The following SCAPER variants were observed in gnomAD, a reference collection of about 807,000 sequenced individuals.
The protein encoded by SCAPER is S-phase cyclin A associated protein in the ER.
A neutral mutation model predicts 182.2 loss-of-function variants in SCAPER; 98 were observed. The ratio of observed to expected loss-of-function variants is 0.54; its 90% CI spans 0.46 to 0.64. SCAPER has a LOEUF of 0.64. Among genes scored for constraint, SCAPER ranks in the 30% least tolerant of loss-of-function variants. The pLI, the probability that SCAPER is intolerant of heterozygous loss-of-function variation, is 0.00. For missense variants in SCAPER, 1,432 were observed against 1,690.0 expected (o/e 0.85, Z 2.68); for synonymous variants, 605 against 564.6 (o/e 1.07, Z -1.01).
At chr15:76,764,610 C>A (rs946599436) in intron 14 of SCAPER, among the ~76,000 whole-genome samples, 1 of 152,210 alleles carries the variant, frequency 6.6e-6, no homozygotes, top group Non-Finnish European at 1.5e-5. Context: ...AGGACCAGGG[C>A]TGGCCATGGG....
rs1275549898 is a variant in SCAPER at position 76,800,345 on chromosome 15, C to G, written c.514G>C (p.Glu172Gln). 6.2e-7 allele frequency: 1 copy of G among 1,610,678 alleles called. No individual in the cohort carries two copies. Among genetic ancestry groups the G allele is most frequent in the African/African-American group, 1.3e-5 (1 of 74,824 alleles). ...AQSRPTSLAW[E>Q]VKKMSPGRHV... ...CGTCCCGGAGACATCTTCTTTACTTCCCATGCCAATGATGTTGGTCTGCGA... is the reference window on the plus strand; with the variant it reads ...CGTCCCGGAGACATCTTCTTTACTTGCCATGCCAATGATGTTGGTCTGCGA... The change falls in exon 7 of 32, where the codon GAA (glutamate) becomes CAA (glutamine). Residue 172 changes from glutamate (E) to glutamine (Q), a missense_variant. Physicochemically the swap from Glu to Gln is conservative, Grantham distance 29. Around this residue, in one of 5 missense-constraint regions of SCAPER, gnomAD observed 480 missense variants for 510.2 expected, o/e 0.94. Transcript: ENST00000563290.
At chr15:76,400,004 CAAA>C (rs11286576) in intron 27 of SCAPER, among the ~76,000 whole-genome samples, 25 of 114,708 alleles carry the variant, frequency 2.2e-4, no homozygotes, top group East Asian at 2.8e-4. Context: ...GACTCCGTCT[CAAA>C]AAAAAAAAAA....
intron 5 of SCAPER, among the ~76,000 whole-genome samples, chr15:76,821,615 C>A (rs1188482941): frequency 6.6e-6 from 1 of 151,398 alleles, no homozygotes. Context: ...CAGGGCGAGA[C>A]CTTCTCTCAA....
rs781593491 is a variant in SCAPER, at chr15:76,795,399, G to C, written c.653C>G (p.Thr218Arg). 1 of 1,608,128 alleles carries C rather than the reference G, an allele frequency of 6.2e-7. No homozygotes were observed. Among genetic ancestry groups the C allele is most frequent in the Non-Finnish European group, 8.5e-7 (1 of 1,176,510 alleles). The change falls in exon 8 of 32, where the codon ACA becomes AGA. Residue 218 changes from threonine to arginine, a missense_variant. Thr to Arg is a moderately conservative substitution (Grantham distance 71, BLOSUM62 -1). This residue lies in a region of SCAPER where 480 missense variants were observed against 510.2 expected (regional missense o/e 0.94). Coordinates refer to ENST00000563290, the MANE Select transcript of SCAPER (RefSeq NM_020843.4). Reference protein sequence around the residue: ...GTVPAPRLAPTGVSWADKVKA... With the variant: ...GTVPAPRLAPRGVSWADKVKA... The stretch of plus-strand genomic sequence containing the variant: ...TACCTTGTCAGCCCAACTGACACCT[G>C]TGGGAGCCAGACGAGGAGCTGGCAC...
chr15:76,467,188 T>G (rs2049743184), intron 25 of SCAPER, among the ~76,000 whole-genome samples: 1 of 152,190 alleles, frequency 6.6e-6, no homozygotes, highest in Admixed American at 6.5e-5. Flanking sequence ...ACCTCTTTCT[T>G]TATAAATTAC....
At chr15:76,820,394 G>A (rs562545593) in intron 5 of SCAPER, among the ~76,000 whole-genome samples, 3 of 152,228 alleles carry the variant, frequency 2.0e-5, no homozygotes, top group African/African-American at 4.8e-5. Flanking sequence ...ATACACCATG[G>A]AATACTATGC....
At chr15:76,721,892 C>T (rs1045869985) in intron 17 of SCAPER, among the ~76,000 whole-genome samples, 70 of 152,064 alleles carry the variant, frequency 4.6e-4, no homozygotes, top group African/African-American at 1.5e-3. Context: ...TTTGACTTCC[C>T]CTTTTCCTAA....
chr15:76,743,411 GC>G (rs1181813709), intron 15 of SCAPER, among the ~76,000 whole-genome samples: 2 of 152,044 alleles, frequency 1.3e-5, no homozygotes. Context: ...GAATTATTCT[GC>G]CAAAAGGGTA....
At position 76,354,207 on chromosome 15, in the gene SCAPER, A is replaced by G. The variant is rs1596269990; in HGVS notation, c.3856-67T>C. 5 of 1,431,978 alleles carry G rather than the reference A, an allele frequency of 3.5e-6. No homozygotes were observed. Among genetic ancestry groups the G allele is most frequent in the South Asian group, 2.7e-5 (2 of 75,114 alleles). The allele number at this position is 1,431,978 out of a possible 1,614,324, so 88.7% of individuals were successfully genotyped here. A position where few individuals can be genotyped will look rare whatever the true frequency, so the allele number is the denominator to read the frequency against. On this transcript the variant is annotated intron_variant, in intron 29 of 31. Coordinates refer to ENST00000563290, the MANE Select transcript of SCAPER (RefSeq NM_020843.4). The surrounding 1 kb of genome is among the most constrained non-coding windows in gnomAD (Gnocchi z 4.4). Reference sequence around the variant, plus strand: ...CAGCCTGTCCCTCACCCACCTGCACAGTGTCGGCTAGTACCATGGAAAACA... The same window carrying G: ...CAGCCTGTCCCTCACCCACCTGCACGGTGTCGGCTAGTACCATGGAAAACA...
chr15:76,520,495 G>C (rs2042752735), intron 23 of SCAPER, among the ~76,000 whole-genome samples: 1 of 152,142 alleles, frequency 6.6e-6, no homozygotes, highest in African/African-American at 2.4e-5. Context: ...TGGGATGACA[G>C]GCATGAGCCA....
chr15:76,717,103 G>C (rs1419146165), intron 17 of SCAPER, among the ~76,000 whole-genome samples: 1 of 143,012 alleles, frequency 7.0e-6, no homozygotes, highest in Admixed American at 7.2e-5. Context: ...AACCTTACAA[G>C]CCTGGAGAAT....
At chr15:76,433,269 A>C (rs1371277991) in intron 26 of SCAPER, among the ~76,000 whole-genome samples, 2 of 152,178 alleles carry the variant, frequency 1.3e-5, no homozygotes, top group Non-Finnish European at 2.9e-5. Context: ...GCACTTTGGG[A>C]GATGGAGGCG....
At chr15:76,400,837 A>T (rs1242205317) in intron 27 of SCAPER, among the ~76,000 whole-genome samples, 1 of 152,160 alleles carries the variant, frequency 6.6e-6, no homozygotes, top group African/African-American at 2.4e-5. Flanking sequence ...ATCAAGAGTA[A>T]ATCACTGTTT....
At chr15:76,553,257 C>T (rs551397294) in intron 23 of SCAPER, among the ~76,000 whole-genome samples, 1 of 152,330 alleles carries the variant, frequency 6.6e-6, no homozygotes, top group Non-Finnish European at 1.5e-5. Flanking sequence ...TGTGCAGATG[C>T]CAGAACCCAG....
At chr15:76,447,814 T>C (rs2142784124) in intron 25 of SCAPER, among the ~76,000 whole-genome samples, 1 of 152,284 alleles carries the variant, frequency 6.6e-6, no homozygotes, top group South Asian at 2.1e-4. Flanking sequence ...AGGAAAAACA[T>C]GGTCTTGCCT....
Position 76,893,693 on chromosome 15 carries a change from CAAG to C in SCAPER, c.-59-9820_-59-9818del, listed in dbSNP as rs572120326. ...GCCACAAAATAAGTCTTAACAAATC[CAAG>C]AAGATTTAAATGATATCAAGTATCT... On this transcript the variant is annotated intron_variant, in intron 1 of 31. Transcript: ENST00000563290. Among the ~76,000 whole-genome samples, 14 of 152,168 alleles carry C rather than the reference CAAG, an allele frequency of 9.2e-5. No individual in the cohort carries two copies. In the South Asian group the frequency reaches 2.9e-3, roughly 32 times the overall value.
intron 6 of SCAPER, among the ~76,000 whole-genome samples, chr15:76,803,071 T>G (rs1320069529): frequency 1.3e-5 from 2 of 152,148 alleles, no homozygotes; most frequent in Non-Finnish European, 2.9e-5. Context: ...AACATAAATC[T>G]GATATGTCAC....
At chr15:76,393,942 G>GGTTGGT in intron 27 of SCAPER, among the ~76,000 whole-genome samples, 1 of 152,288 alleles carries the variant, frequency 6.6e-6, no homozygotes, top group East Asian at 1.9e-4. Context: ...CAGCCTTCAA[G>GGTTGGT]TCTTCTGAGG....
chr15:76,777,700 A>C (rs1480751723), intron 8 of SCAPER, among the ~76,000 whole-genome samples: 1 of 152,228 alleles, frequency 6.6e-6, no homozygotes. Flanking sequence ...ATCTCAAAAA[A>C]GTAAATAAAT....
Sources: gnomAD v4.1 joint callset for allele counts (sites outside exome capture counted in the v4.1 genomes callset) on GRCh38, gnomAD v4.1.1 for gene constraint, gnomAD v4.1.1 regional missense constraint, Gnocchi (gnomAD v3.1) non-coding constraint, MANE v1.5 for transcripts, NCBI Gene and HGNC (gene_info 2026-07-23, HGNC 2026-07-21) for gene names.